The following MYH15 variants were observed in gnomAD, a reference collection of about 807,000 sequenced individuals.
MYH15 encodes the protein myosin heavy chain 15, also known as myosin-15.
MYH15 carries 227 observed loss-of-function variants against 240.5 expected under a neutral mutation model. That is an observed-to-expected ratio of 0.94 (90% CI 0.85 to 1.05). The LOEUF is 1.05. Among genes scored for constraint, MYH15 ranks in the 50% least tolerant of loss-of-function variants. MYH15 has a pLI of 0.00. For synonymous variants in MYH15, 785 were observed against 796.7 expected, an observed-to-expected ratio of 0.99 and a Z score of 0.25; for missense variants, 2,217 against 2,247.5, an observed-to-expected ratio of 0.99 and a Z score of 0.27.
intron 9 of MYH15, 148 bp from the exon 10 acceptor site, chr3:108,486,674 T>C: frequency 2.0e-6 from 1 of 488,752 alleles, no homozygotes; most frequent in East Asian, 3.1e-5. Context: ...CCCAAACTTC[T>C]ACAATCAATG....
chr3:108,421,151 C>G lies in MYH15; in HGVS notation c.3766G>C (p.Asp1256His), dbSNP rs771476681. The change falls in exon 28 of 41, where the codon GAT becomes CAT. Residue 1256 changes from aspartate to histidine, a missense_variant. Transcript: ENST00000693548. ...ERLHEATAKL[D>H]KVTQLANDLA... is the part of the protein sequence containing the mutation. ...TCATTTGCCAACTGAGTCACCTTATCTAGCTTTGCAGTTGCTTCATGCAAG... is the reference window on the plus strand; with the variant it reads ...TCATTTGCCAACTGAGTCACCTTATGTAGCTTTGCAGTTGCTTCATGCAAG... 3.7e-6 allele frequency: 6 copies of G among 1,614,026 alleles called. No individual in the cohort carries two copies. Among genetic ancestry groups the G allele is most frequent in the Non-Finnish European group, 8.5e-7 (1 of 1,180,014 alleles).
chr3:108,472,747 G>A (rs1296824596), intron 12 of MYH15, among the ~76,000 whole-genome samples: 1 of 152,142 alleles, frequency 6.6e-6, no homozygotes, highest in African/African-American at 2.4e-5. Context: ...GTAGGCAGTA[G>A]GATAAATGGA....
chr3:108,421,006 G>C, intron 28 of MYH15, 82 bp downstream of exon 28: 4 of 1,578,706 alleles, frequency 2.5e-6, no homozygotes, highest in Non-Finnish European at 3.5e-6. Context: ...AGCCTCAGTG[G>C]GTAGTTCATT....
chr3:108,461,504 A>T (rs942168526), intron 16 of MYH15, among the ~76,000 whole-genome samples: 1 of 152,188 alleles, frequency 6.6e-6, no homozygotes, highest in Non-Finnish European at 1.5e-5. Flanking sequence ...GCCATTCTGA[A>T]CAATTCTTGT....
chr3:108,396,850 C>T (rs541097295), intron 35 of MYH15, among the ~76,000 whole-genome samples: 57 of 152,258 alleles, frequency 3.7e-4, no homozygotes, highest in African/African-American at 1.3e-3. Flanking sequence ...TCAACAGGCA[C>T]ATTTCTGGTT....
the MYH15 span, among the ~76,000 whole-genome samples, chr3:108,539,830 G>A: frequency 1.3e-5 from 2 of 151,986 alleles, no homozygotes; most frequent in East Asian, 3.9e-4. Context: ...CCCCCAGAAA[G>A]CCCATTCCTA....
rs1217910012 is a variant in MYH15 at position 108,398,638 on chromosome 3, T to C, written c.5132A>G (p.Gln1711Arg). ...ATAGGGAGAGTATATGGGCCCCACCTGGGTATAGAAAAGATTGATTCTTTC... is the reference window on the plus strand; with the variant it reads ...ATAGGGAGAGTATATGGGCCCCACCCGGGTATAGAAAAGATTGATTCTTTC... The part of the protein sequence containing the change: ...ATERINLFYT[Q>R]NTSLLSQKKK... Residue 1711 changes from glutamine to arginine, a missense_variant and splice_region_variant, in exon 35 of 41, where the codon CAG (glutamine) becomes CGG (arginine). Physicochemically the swap from Gln to Arg is conservative, Grantham distance 43. Coordinates refer to ENST00000693548, the MANE Select transcript of MYH15 (RefSeq NM_014981.3). The C allele has an allele frequency of 1.2e-6, 2 of 1,612,714 alleles. No individual in the cohort carries two copies. The highest frequency in any genetic ancestry group is 2.7e-5 in the African/African-American group (2 of 75,000).
At chr3:108,447,871 T>G (rs2082941334) in intron 21 of MYH15, among the ~76,000 whole-genome samples, 1 of 151,812 alleles carries the variant, frequency 6.6e-6, no homozygotes, top group South Asian at 2.1e-4. Flanking sequence ...AATTAGTTAA[T>G]GTACAAAATT....
chr3:108,381,824 A>T (rs78808609), intron 40 of MYH15, among the ~76,000 whole-genome samples: 17,536 of 152,110 alleles, frequency 0.12, 1,109 homozygotes, highest in East Asian at 0.23. Flanking sequence ...CCCTTTGCCA[A>T]CCCCATAAGG....
chr3:108,493,019 AG>A (rs2083364191), intron 8 of MYH15, 94 bp downstream of exon 8: 15 of 907,222 alleles, frequency 1.7e-5, no homozygotes, highest in Middle Eastern at 2.2e-4. Flanking sequence ...GAAAGAAAGA[AG>A]AAAAGGAAGG....
At position 108,475,912 on chromosome 3, in the gene MYH15, C is replaced by G. The variant is rs769137377; in HGVS notation, c.1233+485G>C. ...GCTAAACAAAATCTGCATGGCGTTC[C>G]ATCTCTCATTTCTGTTTTCAACACA... On this transcript the variant is annotated intron_variant, in intron 12 of 40. Coordinates refer to ENST00000693548, the MANE Select transcript of MYH15 (RefSeq NM_014981.3). Among the ~76,000 whole-genome samples the G allele has an allele frequency of 2.0e-5, 3 of 152,178 alleles. No individual in the cohort carries two copies. The East Asian group carries it at 5.8e-4, about 29-fold the overall frequency.
chr3:108,513,288 A>T (rs1183581536), upstream of MYH15, among the ~76,000 whole-genome samples: 1 of 152,186 alleles, frequency 6.6e-6, no homozygotes, highest in African/African-American at 2.4e-5. Context: ...AGACTGGTAT[A>T]CTCACACATG....
intron 2 of MYH15, among the ~76,000 whole-genome samples, chr3:108,502,343 T>C (rs1229386729): frequency 1.3e-5 from 2 of 152,190 alleles, no homozygotes; most frequent in Non-Finnish European, 2.9e-5. Flanking sequence ...TCCTCTTCTG[T>C]TAAGTCTTAC....
At position 108,467,569 on chromosome 3, in the gene MYH15, A is replaced by T. The variant is rs1010074700; in HGVS notation, c.1554+2473T>A. ...TTCTCTTGAGGCTGGTAAAATTCTA[A>T]AATCTATCCTAATCCCAATATCGTG... is the stretch of plus-strand genomic sequence containing the variant. On this transcript the variant is annotated intron_variant, in intron 14 of 40. Coordinates refer to ENST00000693548, the MANE Select transcript of MYH15 (RefSeq NM_014981.3). Among the ~76,000 whole-genome samples, 7 of 152,278 alleles carry T rather than the reference A, an allele frequency of 4.6e-5. No individual in the cohort carries two copies. In the East Asian group the frequency reaches 1.4e-3, roughly 29 times the overall value.
In MYH15 at chr3:108,414,404, G is replaced by C. The variant is rs2082618264; in HGVS notation, c.3973C>G (p.Leu1325Val). The C allele has an allele frequency of 6.2e-7, 1 of 1,613,958 alleles. No homozygotes were observed. Among genetic ancestry groups the C allele is most frequent in the Non-Finnish European group, 8.5e-7 (1 of 1,180,020 alleles). The change falls in exon 30 of 41, where the codon CTG becomes GTG. Residue 1325 changes from leucine (L) to valine (V), a missense_variant. Coordinates refer to ENST00000693548, the MANE Select transcript of MYH15 (RefSeq NM_014981.3). ...TKSQSALAHA[L>V]QKAQRDCDLL... ...TCACAGTCACGCTGAGCCTTCTGCA[G>C]GGCATGGGCCAGGGCACTCTGGGAC...
intron 14 of MYH15, among the ~76,000 whole-genome samples, chr3:108,469,057 G>T (rs1484923157): frequency 6.6e-6 from 1 of 152,100 alleles, no homozygotes; most frequent in African/African-American, 2.4e-5. Flanking sequence ...AAGTTCACTT[G>T]TTATAAAATA....
At chr3:108,488,024 A>C (rs2083319144) in intron 9 of MYH15, among the ~76,000 whole-genome samples, 1 of 152,182 alleles carries the variant, frequency 6.6e-6, no homozygotes, top group African/African-American at 2.4e-5. Context: ...TACATTGTGG[A>C]ATGGCTTATT....
At chr3:108,533,240 G>A (rs938652860), upstream of MYH15, among the ~76,000 whole-genome samples, 45 of 147,870 alleles carry the variant, frequency 3.0e-4, no homozygotes, top group Admixed American at 3.0e-3. Flanking sequence ...GTAGAAAGAA[G>A]TTCAGGCAGA....
At chr3:108,414,141 T>G (rs980759126) in intron 30 of MYH15, 91 bp downstream of exon 30, 1 of 1,358,746 alleles carries the variant, frequency 7.4e-7, no homozygotes, top group Non-Finnish European at 1.0e-6. Context: ...ATTTGTTAAG[T>G]GCATACCATG....
Sources: gnomAD v4.1 joint callset for allele counts (sites outside exome capture counted in the v4.1 genomes callset) on GRCh38, gnomAD v4.1.1 for gene constraint, MANE v1.5 for transcripts, NCBI Gene and HGNC (gene_info 2026-07-23, HGNC 2026-07-21) for gene names.